LARP1B: variants seen among roughly 807,000 people sequenced by gnomAD.
LARP1B encodes the protein la-related protein 1B.
A neutral mutation model predicts 114.2 loss-of-function variants in LARP1B; 76 were observed. The observed-to-expected ratio is 0.67, with a 90% CI of 0.55 to 0.81. LARP1B has a LOEUF of 0.81. LARP1B is among the 30% of genes least tolerant of loss of function. The pLI, the probability that LARP1B is intolerant of heterozygous loss-of-function variation, is 0.00. For missense variants in LARP1B, 1,014 were observed against 1,075.8 expected, an observed-to-expected ratio of 0.94 and a Z score of 0.80; for synonymous variants, 345 against 348.0, an observed-to-expected ratio of 0.99 and a Z score of 0.10.
chr4:128,113,282 T>G (rs1784717692), intron 9 of LARP1B, among the ~76,000 whole-genome samples: 1 of 152,096 alleles, frequency 6.6e-6, no homozygotes, highest in African/African-American at 2.4e-5. Flanking sequence ...ATTTAAATAT[T>G]CTTTGACTTT....
chr4:128,085,928 T>C (rs1773292597), intron 5 of LARP1B, among the ~76,000 whole-genome samples: 1 of 152,186 alleles, frequency 6.6e-6, no homozygotes, highest in South Asian at 2.1e-4. Context: ...AGCAACTTTT[T>C]TTCTTTTTGC....
intron 11 of LARP1B, among the ~76,000 whole-genome samples, chr4:128,139,027 A>T (rs1726716953): frequency 1.3e-5 from 2 of 152,230 alleles, no homozygotes; most frequent in Non-Finnish European, 2.9e-5. Flanking sequence ...TAAAAAACAG[A>T]TAACCAAGTT....
chr4:128,202,258 A>G (rs1756198774), intron 17 of LARP1B, among the ~76,000 whole-genome samples: 1 of 152,224 alleles, frequency 6.6e-6, no homozygotes, highest in South Asian at 2.1e-4. Context: ...AAAATTTGCC[A>G]TTCCTAATCT....
chr4:128,137,936 G>A (rs1298035438), intron 11 of LARP1B, among the ~76,000 whole-genome samples: 1 of 151,892 alleles, frequency 6.6e-6, no homozygotes, highest in African/African-American at 2.4e-5. Flanking sequence ...CTACAGGCAT[G>A]CACCACCAAA....
chr4:128,108,124 T>G (rs1032825643), intron 9 of LARP1B: 4 of 1,331,404 alleles, frequency 3.0e-6, no homozygotes, highest in Non-Finnish European at 3.8e-6. Context: ...GGACTGCTAC[T>G]CTTTTTATAG....
At chr4:128,061,888 G>A (rs914606396) in intron 1 of LARP1B, 2 of 984,938 alleles carry the variant, frequency 2.0e-6, no homozygotes, top group African/African-American at 3.5e-5. Flanking sequence ...GGGGAGAGCC[G>A]TCGCCGGCGC....
intron 11 of LARP1B, among the ~76,000 whole-genome samples, chr4:128,133,999 ATTTTTTT>A (rs71587365): frequency 4.3e-5 from 6 of 139,084 alleles, no homozygotes; most frequent in Non-Finnish European, 7.7e-5. Flanking sequence ...GCCCAGCCCA[ATTTTTTT>A]TTTTTTTTTT....
At chr4:128,167,386 AG>A (rs1036420091) in intron 12 of LARP1B, among the ~76,000 whole-genome samples, 3 of 151,980 alleles carry the variant, frequency 2.0e-5, no homozygotes, top group Admixed American at 2.0e-4. Context: ...ATCTCTAATC[AG>A]GTCTTTTGCC....
chr4:128,107,422 G>A lies in LARP1B; in HGVS notation c.988+109G>A, dbSNP rs547356487. The A allele has an allele frequency of 2.5e-5, 38 of 1,523,632 alleles. No individual in the cohort carries two copies. The African/African-American group carries it at 3.8e-4, about 15-fold the overall frequency. The allele number at this position is 1,523,632 out of a possible 1,614,324, so 94.4% of individuals were successfully genotyped here. On this transcript the variant is annotated intron_variant, in intron 9 of 19. Coordinates refer to ENST00000326639, the MANE Select transcript of LARP1B (RefSeq NM_018078.4). The stretch of plus-strand genomic sequence containing the variant: ...ATTTAGATTTGATAGGAAAATTAAA[G>A]CTAACTGAAAGACTTTTGAGTCCCA...
intron 8 of LARP1B, among the ~76,000 whole-genome samples, chr4:128,103,439 AT>A (rs1409132412): frequency 1.3e-5 from 2 of 152,096 alleles, no homozygotes; most frequent in Non-Finnish European, 2.9e-5. Flanking sequence ...CAATGAATGA[AT>A]TACCTGCCTT....
In LARP1B at chr4:128,176,882, A is replaced by G. The variant is rs1375065586; in HGVS notation, c.1659A>G (p.Gln553=). The change falls in exon 13 of 20, where the codon CAA becomes CAG. Residue 553 remains glutamine, a synonymous_variant. Transcript: ENST00000326639. ...APSQSRQGGV[Q]GVLHIPKKDL... ...TAACTCTCTTGGCAGGAGGTGTTCA[A>G]GGAGTGCTTCACATTCCCAAGAAAG... is the stretch of plus-strand genomic sequence containing the variant. 3 of 1,613,948 alleles carry G rather than the reference A, an allele frequency of 1.9e-6. No homozygotes were observed. Among genetic ancestry groups the G allele is most frequent in the Non-Finnish European group, 8.5e-7 (1 of 1,179,904 alleles).
intron 11 of LARP1B, among the ~76,000 whole-genome samples, chr4:128,152,639 A>G (rs1350395884): frequency 1.3e-5 from 2 of 151,608 alleles, no homozygotes; most frequent in African/African-American, 2.4e-5. Context: ...TCTTCTATAA[A>G]GAAGAACTTT....
At chr4:128,182,289 T>A (rs1748812048) in intron 15 of LARP1B, among the ~76,000 whole-genome samples, 1 of 152,010 alleles carries the variant, frequency 6.6e-6, no homozygotes. Flanking sequence ...AATTTTTGTA[T>A]TTTTTATAGA....
chr4:128,104,142 A>AT (rs1173270284), intron 8 of LARP1B, among the ~76,000 whole-genome samples: 3 of 151,404 alleles, frequency 2.0e-5, no homozygotes, highest in Non-Finnish European at 2.9e-5. Flanking sequence ...ATTAGAGATG[A>AT]TTTTTTTTCC....
At chr4:128,172,937 A>ATGTGTGTGTGTGTG (rs57382183) in intron 12 of LARP1B, among the ~76,000 whole-genome samples, 1,564 of 137,040 alleles carry the variant, frequency 0.011, 33 homozygotes, top group African/African-American at 0.04. Flanking sequence ...ATCCCATCCA[A>ATGTGTGTGTGTGTG]TGTGTGTGTG....
intron 7 of LARP1B, chr4:128,092,920 C>A: frequency 1.0e-6 from 1 of 985,390 alleles, no homozygotes; most frequent in Non-Finnish European, 1.2e-6. Context: ...ACATGCAACT[C>A]CATGTCAGGA....
At chr4:128,106,027 GTTC>G (rs1185377077) in intron 8 of LARP1B, among the ~76,000 whole-genome samples, 2 of 151,430 alleles carry the variant, frequency 1.3e-5, no homozygotes, top group Admixed American at 1.3e-4. Flanking sequence ...AATGGATAAT[GTTC>G]TTTTTTTTTT....
In LARP1B at chr4:128,129,164, CAAAAAAAAAAAAAAAAAAAAAAAA is replaced by C. The variant is rs559312234; in HGVS notation, c.1524+6993_1524+7016del. Among the ~76,000 whole-genome samples the C allele has an allele frequency of 4.7e-4, 23 of 49,142 alleles. 1 individual carries two copies. Among genetic ancestry groups the C allele is most frequent in the East Asian group, 4.6e-3 (6 of 1,314 alleles). 32.2% of individuals were successfully genotyped at this position (49,142 alleles called of 152,430 possible). On this transcript the variant is annotated intron_variant, in intron 11 of 19. Coordinates refer to ENST00000326639, the MANE Select transcript of LARP1B (RefSeq NM_018078.4). ...TGGGCGACAGAGCGAGACTCTGTCT[CAAAAAAAAAAAAAAAAAAAAAAAA>C]AAAAAAAAAAAAAAAATTCAGCCGT...
At chr4:128,155,778 T>C (rs1010877202) in intron 11 of LARP1B, 7 of 1,599,412 alleles carry the variant, frequency 4.4e-6, no homozygotes, top group Non-Finnish European at 5.1e-6. Context: ...AGGAACTGAC[T>C]GACTTCCTGC....
Sources: gnomAD v4.1 joint callset for allele counts (sites outside exome capture counted in the v4.1 genomes callset) on GRCh38, gnomAD v4.1.1 for gene constraint, MANE v1.5 for transcripts, NCBI Gene and HGNC (gene_info 2026-07-23, HGNC 2026-07-21) for gene names.